CLEC17A: variants seen among roughly 807,000 people sequenced by gnomAD.
The protein encoded by CLEC17A is C-type lectin domain containing 17A, also known as C-type lectin domain family 17, member A.
Under a neutral mutation model 61.3 loss-of-function variants are expected in CLEC17A, and 37 were observed. The observed-to-expected ratio is 0.60, with a 90% CI of 0.46 to 0.79. The LOEUF (loss-of-function observed/expected upper bound fraction) is 0.79, where lower values mean the gene tolerates loss of function less well. CLEC17A is among the 30% of genes least tolerant of loss of function. The probability of loss-of-function intolerance (pLI) is 0.00; values close to 1 mark genes in which losing one functional copy is unlikely to be tolerated. For synonymous variants in CLEC17A, 168 were observed against 164.9 expected, an observed-to-expected ratio of 1.02 and a Z score of -0.14; for missense variants, 418 against 464.7, an observed-to-expected ratio of 0.90 and a Z score of 0.92.
chr19:14,605,160 C>T (rs368488349), intron 12 of CLEC17A, among the ~76,000 whole-genome samples: 4 of 151,598 alleles, frequency 2.6e-5, no homozygotes, highest in South Asian at 2.1e-4. Flanking sequence ...TGCACTGTCG[C>T]GATCTCAGCT....
In CLEC17A at chr19:14,607,054, C is replaced by A; in HGVS notation, c.956C>A (p.Ala319Asp). ...RVYWLGLNDRAQEGDWRWLDG... is the reference protein window; with the variant it reads ...RVYWLGLNDRDQEGDWRWLDG... ...TACTGGCTGGGGCTGAATGACAGGG[C>A]CCAGGAAGGGGACTGGAGGTGGCTG... is the stretch of plus-strand genomic sequence containing the variant. The change falls in exon 13 of 14, where the codon GCC (alanine) becomes GAC (aspartate). Residue 319 changes from alanine (A) to aspartate (D), a missense_variant. Coordinates refer to ENST00000417570, the MANE Select transcript of CLEC17A (RefSeq NM_001204118.2). The A allele has an allele frequency of 1.5e-6, 2 of 1,354,534 alleles. No individual in the cohort carries two copies. The highest frequency in any genetic ancestry group is 3.0e-5 in the Admixed American group (1 of 33,580). The allele number at this position is 1,354,534 out of a possible 1,614,324, so 83.9% of individuals were successfully genotyped here.
chr19:14,587,506 A>T, intron 2 of CLEC17A, 108 bp from the exon 3 acceptor site: 1 of 1,341,544 alleles, frequency 7.5e-7, no homozygotes, highest in African/African-American at 1.5e-5. Context: ...TGTGGTCAAG[A>T]TCCAGGGTAC....
At chr19:14,597,760 C>T (rs569662555) in intron 10 of CLEC17A, among the ~76,000 whole-genome samples, 5 of 150,952 alleles carry the variant, frequency 3.3e-5, no homozygotes, top group East Asian at 1.9e-4. Context: ...CCATCACACC[C>T]GGCTGGTTAA....
At chr19:14,592,790 G>A (rs1410048462) in intron 4 of CLEC17A, among the ~76,000 whole-genome samples, 2 of 152,056 alleles carry the variant, frequency 1.3e-5, no homozygotes, top group African/African-American at 4.8e-5. Context: ...TCAGCCTCCC[G>A]ATTAGCTGGG....
chr19:14,599,656 C>T (rs191129397), intron 10 of CLEC17A, 61 bp from the exon 11 acceptor site: 56 of 1,176,868 alleles, frequency 4.8e-5, no homozygotes, highest in East Asian at 9.5e-5. Context: ...GTCTGCAGTC[C>T]GTGGTGGATG....
chr19:14,597,279 G>C lies in CLEC17A; in HGVS notation c.646+118G>C, dbSNP rs559405378. 14 of 909,556 alleles carry C rather than the reference G, an allele frequency of 1.5e-5. No homozygotes were observed. In the South Asian group the frequency reaches 1.8e-4, roughly 12 times the overall value. 56.3% of individuals were successfully genotyped at this position (909,556 alleles called of 1,614,324 possible). A position where few individuals can be genotyped will look rare whatever the true frequency, so the allele number is the denominator to read the frequency against. On this transcript the variant is annotated intron_variant, in intron 10 of 13. Transcript: ENST00000417570. ...TTGCTGGGCACTGTGCTAGGTACCAGGGGGTTAAAATGGTAAACATGTCAG... is the reference window on the plus strand; with the variant it reads ...TTGCTGGGCACTGTGCTAGGTACCACGGGGTTAAAATGGTAAACATGTCAG...
At chr19:14,609,826 A>G (rs932237942) in intron 13 of CLEC17A, among the ~76,000 whole-genome samples, 8 of 149,042 alleles carry the variant, frequency 5.4e-5, no homozygotes, top group Admixed American at 2.0e-4. Context: ...CGACAGAGTG[A>G]GACTCTGTCT....
At chr19:14,603,024 C>T (rs890206819) in intron 12 of CLEC17A, among the ~76,000 whole-genome samples, 9 of 152,192 alleles carry the variant, frequency 5.9e-5, no homozygotes, top group African/African-American at 9.7e-5. Flanking sequence ...CATAAGCCAC[C>T]GTGGCTGGCC....
intron 2 of CLEC17A, 80 bp from the exon 3 acceptor site, chr19:14,587,534 G>A (rs1401084649): frequency 7.0e-7 from 1 of 1,426,674 alleles, no homozygotes; most frequent in Non-Finnish European, 9.5e-7. Context: ...CCATCATGGG[G>A]CAGCTGAGGC....
chr19:14,583,768 A>C (rs1447648281), intron 2 of CLEC17A, among the ~76,000 whole-genome samples: 2 of 152,092 alleles, frequency 1.3e-5, no homozygotes, highest in African/African-American at 4.8e-5. Context: ...GAGAACAGTT[A>C]GGTGCAAAGT....
chr19:14,600,867 G>A (rs569330355), intron 12 of CLEC17A, among the ~76,000 whole-genome samples: 15 of 144,858 alleles, frequency 1.0e-4, no homozygotes, highest in Non-Finnish European at 1.6e-4. Flanking sequence ...GGGATTACAG[G>A]CGTGAGCCAC....
At chr19:14,595,983 TA>T (rs1568454138) in intron 8 of CLEC17A, among the ~76,000 whole-genome samples, 19 of 2,814 alleles carry the variant, frequency 6.8e-3, no homozygotes, top group Non-Finnish European at 0.01. Flanking sequence ...ATGTTGTTGG[TA>T]GAGATGATGG....
rs1256230308 is a variant in CLEC17A, at chr19:14,611,693, G to A, written c.*1497G>A. Among the ~76,000 whole-genome samples the A allele has an allele frequency of 6.6e-6, 1 of 152,096 alleles. No individual in the cohort carries two copies. Among genetic ancestry groups the A allele is most frequent in the Non-Finnish European group, 1.5e-5 (1 of 68,022 alleles). ...CCTTGAGCTATCTGTGGGTTGTAACGTCTTTGATGATATAATTCACTTTAC... is the reference window on the plus strand; with the variant it reads ...CCTTGAGCTATCTGTGGGTTGTAACATCTTTGATGATATAATTCACTTTAC... On this transcript the variant is annotated 3_prime_UTR_variant, in exon 14 of 14. Transcript: ENST00000417570.
chr19:14,609,955 G>A (rs1444295667), intron 13 of CLEC17A, 109 bp from the exon 14 acceptor site: 7 of 776,410 alleles, frequency 9.0e-6, no homozygotes, highest in Non-Finnish European at 1.3e-5. Context: ...GGCCTAATAT[G>A]GGTTTTGCCA....
rs375465288 is a variant in CLEC17A at position 14,594,765 on chromosome 19, A to G, written c.368A>G (p.Asp123Gly). The G allele has an allele frequency of 1.5e-4, 249 of 1,613,734 alleles. No individual in the cohort carries two copies. The highest frequency in any genetic ancestry group is 2.1e-4 in the Non-Finnish European group (245 of 1,179,868). The change falls in exon 7 of 14, where the codon GAC becomes GGC. Residue 123 changes from aspartate to glycine, a missense_variant. Coordinates refer to ENST00000417570, the MANE Select transcript of CLEC17A (RefSeq NM_001204118.2). ...ACTTTCTCATCTCTTCTAGGCCTGG[A>G]CCTCGCCGCTGTCACCTGTCCACCT... ...PCKPRNMTGL[D>G]LAAVTCPPPQ...
intron 4 of CLEC17A, among the ~76,000 whole-genome samples, 181 bp from the exon 5 acceptor site, chr19:14,594,336 G>A (rs910745139): frequency 2.0e-5 from 3 of 151,856 alleles, no homozygotes; most frequent in African/African-American, 4.8e-5. Flanking sequence ...GGCAATCTAG[G>A]TTCGTTGGTC....
At chr19:14,587,854 G>T (rs1472983787) in intron 3 of CLEC17A, among the ~76,000 whole-genome samples, 163 bp downstream of exon 3, 2 of 152,128 alleles carry the variant, frequency 1.3e-5, no homozygotes, top group Admixed American at 6.5e-5. Context: ...TCAGTCTGAT[G>T]GCAGAGGCAG....
chr19:14,594,394 G>A lies in CLEC17A; in HGVS notation c.278-123G>A, dbSNP rs557103156. Reference sequence around the variant, plus strand: ...TCCCTAATCCCAATTGCATTCTTACGTCCAACCCCGTCTGTAACCTAATCT... The same window carrying A: ...TCCCTAATCCCAATTGCATTCTTACATCCAACCCCGTCTGTAACCTAATCT... On this transcript the variant is annotated intron_variant, in intron 4 of 13. Coordinates refer to ENST00000417570, the MANE Select transcript of CLEC17A (RefSeq NM_001204118.2). 5.8e-5 allele frequency: 76 copies of A among 1,304,142 alleles called. No individual in the cohort carries two copies. In the South Asian group the frequency reaches 8.6e-4, roughly 15 times the overall value. 80.8% of individuals were successfully genotyped at this position (1,304,142 alleles called of 1,614,324 possible). A position where few individuals can be genotyped will look rare whatever the true frequency, so the allele number is the denominator to read the frequency against.
At chr19:14,597,264 C>A in intron 10 of CLEC17A, 103 bp downstream of exon 10, 2 of 1,042,300 alleles carry the variant, frequency 1.9e-6, no homozygotes, top group Non-Finnish European at 2.9e-6. Flanking sequence ...TTGCTGGGCA[C>A]TGTGCTAGGT....
Sources: allele counts gnomAD v4.1 joint callset (sites outside exome capture counted in the v4.1 genomes callset), GRCh38; gene constraint gnomAD v4.1.1; transcripts MANE v1.5; gene names NCBI Gene and HGNC (gene_info 2026-07-23, HGNC 2026-07-21).